Variants in GADL1 observed in about 807,000 individuals in gnomAD.
The protein encoded by GADL1 is acidic amino acid decarboxylase GADL1.
GADL1 carries 71 observed loss-of-function variants against 69.5 expected under a neutral mutation model. The ratio of observed to expected loss-of-function variants is 1.02; its 90% CI spans 0.84 to 1.25. The LOEUF (loss-of-function observed/expected upper bound fraction) is 1.25. Among genes scored for constraint, GADL1 ranks in the 50% most tolerant of loss-of-function variants. The pLI, the probability that GADL1 is intolerant of heterozygous loss-of-function variation, is 0.00. For missense variants in GADL1, 737 were observed against 631.8 expected (o/e 1.17, Z -1.79); for synonymous variants, 254 against 214.4 (o/e 1.18, Z -1.62).
chr3:30,887,673 T>G (rs1196254036), intron 1 of GADL1, among the ~76,000 whole-genome samples: 1 of 152,076 alleles, frequency 6.6e-6, no homozygotes, highest in East Asian at 1.9e-4. Flanking sequence ...TCAGGAAAAA[T>G]GTTGAACCGT....
intron 6 of GADL1, among the ~76,000 whole-genome samples, chr3:30,846,031 A>G (rs1014304359): frequency 2.0e-5 from 3 of 151,416 alleles, no homozygotes; most frequent in East Asian, 3.9e-4. Context: ...ATACAACCCA[A>G]TGTCAATCTG....
intron 12 of GADL1, among the ~76,000 whole-genome samples, chr3:30,794,051 CAA>C (rs1052872103): frequency 1.3e-5 from 2 of 152,288 alleles, no homozygotes; most frequent in African/African-American, 4.8e-5. Context: ...AAAATGAAAA[CAA>C]AGACTGTTCC....
chr3:30,858,670 G>C (rs1698268398), intron 2 of GADL1, among the ~76,000 whole-genome samples: 2 of 151,904 alleles, frequency 1.3e-5, no homozygotes, highest in South Asian at 4.1e-4. Context: ...GGTGAAAGCA[G>C]GTTTAGGACA....
intron 14 of GADL1, among the ~76,000 whole-genome samples, chr3:30,753,110 T>G (rs1695872108): frequency 6.6e-6 from 1 of 152,140 alleles, no homozygotes. Context: ...TGTCTTTTTC[T>G]TATGGGTGAG....
intron 11 of GADL1, among the ~76,000 whole-genome samples, chr3:30,831,435 A>G (rs1158878755): frequency 6.6e-6 from 1 of 151,916 alleles, no homozygotes; most frequent in African/African-American, 2.4e-5. Context: ...ACAAGGGTGC[A>G]TTTGGCTGCA....
chr3:30,824,584 C>T (rs1286385723), intron 11 of GADL1, among the ~76,000 whole-genome samples: 1 of 151,618 alleles, frequency 6.6e-6, no homozygotes, highest in Non-Finnish European at 1.5e-5. Flanking sequence ...GATATATTCA[C>T]ATAGAATAGT....
At chr3:30,827,218 A>G (rs755245611) in intron 11 of GADL1, among the ~76,000 whole-genome samples, 2 of 151,236 alleles carry the variant, frequency 1.3e-5, no homozygotes, top group Admixed American at 6.6e-5. Context: ...TTTTATACTC[A>G]GTAGTAGAGC....
At chr3:30,829,156 C>A (rs1453933487) in intron 11 of GADL1, among the ~76,000 whole-genome samples, 2 of 103,448 alleles carry the variant, frequency 1.9e-5, no homozygotes, top group African/African-American at 3.7e-5. Context: ...CCCGCATTTA[C>A]CTCTGAAGTC....
chr3:30,788,078 C>T (rs186455329), intron 12 of GADL1, among the ~76,000 whole-genome samples: 1 of 152,316 alleles, frequency 6.6e-6, no homozygotes, highest in Admixed American at 6.5e-5. Flanking sequence ...AGATGTTCTA[C>T]ATATGCCATT....
rs542372636 is a variant in GADL1, at chr3:30,832,147, A to G, written c.1050+1706T>C. The stretch of plus-strand genomic sequence containing the variant: ...ACACAAAACTTAAACTGATTGCCAC[A>G]TCTCATATCTCATGGTTTAGCTTTC... On this transcript the variant is annotated intron_variant, in intron 11 of 14. Transcript: ENST00000282538. 1.8e-3 allele frequency among the ~76,000 whole-genome samples: 268 copies of G among 151,898 alleles called. 2 individuals carry two copies. The highest frequency in any genetic ancestry group is 6.2e-3 in the African/African-American group (256 of 41,472).
intron 14 of GADL1, among the ~76,000 whole-genome samples, chr3:30,771,776 T>G (rs1696424975): frequency 6.6e-6 from 1 of 152,136 alleles, no homozygotes; most frequent in Admixed American, 6.5e-5. Context: ...AAAATCAGAG[T>G]TCTGAAAAAT....
At chr3:30,834,785 G>C (rs930729499) in intron 9 of GADL1, among the ~76,000 whole-genome samples, 6 of 152,064 alleles carry the variant, frequency 3.9e-5, no homozygotes, top group African/African-American at 1.4e-4. Flanking sequence ...ATGGCTTTCA[G>C]AAATATCTAC....
chr3:30,822,353 A>G (rs1425032491), intron 11 of GADL1, among the ~76,000 whole-genome samples: 2 of 151,738 alleles, frequency 1.3e-5, no homozygotes, highest in Non-Finnish European at 2.9e-5. Flanking sequence ...CTAAAAACAT[A>G]TATGGACTTT....
chr3:30,792,976 G>A (rs1403516589), intron 12 of GADL1, among the ~76,000 whole-genome samples: 4 of 152,140 alleles, frequency 2.6e-5, no homozygotes, highest in Non-Finnish European at 5.9e-5. Flanking sequence ...TCCTTGGTGA[G>A]CAAATCAACA....
chr3:30,880,796 G>A (rs1283141856), intron 1 of GADL1, among the ~76,000 whole-genome samples: 4 of 151,730 alleles, frequency 2.6e-5, no homozygotes, highest in Non-Finnish European at 5.9e-5. Context: ...ATGGAGGTGA[G>A]GATTAAATGA....
At chr3:30,814,751 A>AAT (rs1172349237) in intron 11 of GADL1, among the ~76,000 whole-genome samples, 1 of 151,944 alleles carries the variant, frequency 6.6e-6, no homozygotes, top group Non-Finnish European at 1.5e-5. Flanking sequence ...TAAAAAAAAG[A>AAT]ATAAGAGTTC....
At chr3:30,741,138 ATG>A (rs56763778) in intron 14 of GADL1, among the ~76,000 whole-genome samples, 1,470 of 81,130 alleles carry the variant, frequency 0.018, 28 homozygotes, top group African/African-American at 0.083. Flanking sequence ...ATATATATAT[ATG>A]TGTGAGATAG....
At chr3:30,781,084 C>A (rs966283577) in intron 13 of GADL1, among the ~76,000 whole-genome samples, 1 of 151,998 alleles carries the variant, frequency 6.6e-6, no homozygotes, top group Non-Finnish European at 1.5e-5. Flanking sequence ...AGTCTATGTT[C>A]TAAAATCCAC....
intron 9 of GADL1, among the ~76,000 whole-genome samples, chr3:30,838,388 T>G (rs1697907431): frequency 1.3e-5 from 2 of 152,168 alleles, no homozygotes; most frequent in Non-Finnish European, 2.9e-5. Flanking sequence ...CCGCAGGACT[T>G]ACAAAAATTC....
Sources: gnomAD v4.1 joint callset for allele counts (sites outside exome capture counted in the v4.1 genomes callset) on GRCh38, gnomAD v4.1.1 for gene constraint, MANE v1.5 for transcripts, NCBI Gene and HGNC (gene_info 2026-07-23, HGNC 2026-07-21) for gene names.